EDIL3: variants seen among roughly 807,000 people sequenced by gnomAD.
EDIL3 encodes EGF like and discoidin domains 3, also known as EGF-like repeat and discoidin I-like domain-containing protein 3.
In EDIL3, 37 loss-of-function variants were observed where a neutral mutation model predicts 67.4. The ratio of observed to expected loss-of-function variants is 0.55; its 90% CI spans 0.42 to 0.72. EDIL3 has a LOEUF of 0.72. Ranked by LOEUF, EDIL3 falls within the 30% of genes least tolerant of loss-of-function variation. EDIL3 has a pLI of 0.00. For missense variants in EDIL3, 527 were observed against 586.3 expected, an observed-to-expected ratio of 0.90 and a Z score of 1.04; for synonymous variants, 195 against 196.3, an observed-to-expected ratio of 0.99 and a Z score of 0.05.
chr5:84,059,923 A>T (rs74384047), intron 9 of EDIL3, among the ~76,000 whole-genome samples: 1,744 of 152,308 alleles, frequency 0.011, 45 homozygotes, highest in African/African-American at 0.039. Flanking sequence ...AACAGTTTGC[A>T]GGTCAGTGGC....
At chr5:84,009,202 A>G (rs1580277257) in intron 9 of EDIL3, among the ~76,000 whole-genome samples, 1 of 152,214 alleles carries the variant, frequency 6.6e-6, no homozygotes, top group Non-Finnish European at 1.5e-5. Flanking sequence ...CAAAATAAAA[A>G]AAAATAAAAA....
At chr5:83,979,469 A>T (rs1205681387) in intron 9 of EDIL3, among the ~76,000 whole-genome samples, 1 of 152,146 alleles carries the variant, frequency 6.6e-6, no homozygotes, top group African/African-American at 2.4e-5. Context: ...TATCTGTAGC[A>T]TTACTGTTTT....
chr5:84,120,934 T>C (rs1283160332), intron 5 of EDIL3, among the ~76,000 whole-genome samples: 1 of 151,994 alleles, frequency 6.6e-6, no homozygotes, highest in African/African-American at 2.4e-5. Flanking sequence ...GTCTGTAATT[T>C]CAGCAGAAAG....
At chr5:84,136,469 C>A (rs1748094344) in intron 5 of EDIL3, among the ~76,000 whole-genome samples, 1 of 152,010 alleles carries the variant, frequency 6.6e-6, no homozygotes, top group Non-Finnish European at 1.5e-5. Flanking sequence ...ACTTTTTTCC[C>A]AGCTTTTTTT....
intron 9 of EDIL3, among the ~76,000 whole-genome samples, chr5:83,986,239 T>C (rs1745055757): frequency 6.6e-6 from 1 of 152,128 alleles, no homozygotes; most frequent in Non-Finnish European, 1.5e-5. Context: ...CTTGCAAAAT[T>C]TCTTAAACTC....
chr5:84,035,598 G>C (rs535524915), intron 9 of EDIL3, among the ~76,000 whole-genome samples: 3 of 152,144 alleles, frequency 2.0e-5, no homozygotes, highest in Admixed American at 6.5e-5. Flanking sequence ...GGAGTATGTG[G>C]GTTAATGTAA....
chr5:84,128,972 C>A (rs918119681), intron 5 of EDIL3, among the ~76,000 whole-genome samples: 1 of 152,092 alleles, frequency 6.6e-6, no homozygotes, highest in African/African-American at 2.4e-5. Context: ...AATGAGAATA[C>A]GACTCCATTT....
intron 1 of EDIL3, among the ~76,000 whole-genome samples, chr5:84,360,777 T>C (rs904218921): frequency 1.3e-5 from 2 of 152,180 alleles, no homozygotes; most frequent in African/African-American, 4.8e-5. Flanking sequence ...ATGTGATATA[T>C]CCAAACTGAG....
intron 9 of EDIL3, among the ~76,000 whole-genome samples, chr5:83,977,901 T>A (rs1470381514): frequency 6.6e-6 from 1 of 151,866 alleles, no homozygotes; most frequent in Non-Finnish European, 1.5e-5. Context: ...AGATTTCCTA[T>A]TCACTTTTAC....
intron 9 of EDIL3, among the ~76,000 whole-genome samples, chr5:84,058,747 A>C (rs532468007): frequency 6.6e-6 from 1 of 152,172 alleles, no homozygotes; most frequent in Non-Finnish European, 1.5e-5. Context: ...GCAAGGGGTA[A>C]TATCTTAATG....
chr5:84,117,414 A>G (rs928914099), intron 5 of EDIL3, among the ~76,000 whole-genome samples: 3 of 152,134 alleles, frequency 2.0e-5, no homozygotes, highest in Admixed American at 6.5e-5. Flanking sequence ...ATACATACAT[A>G]CTAAAATCTT....
chr5:84,331,890 T>C (rs1157922344), intron 1 of EDIL3, among the ~76,000 whole-genome samples: 1 of 152,210 alleles, frequency 6.6e-6, no homozygotes, highest in Non-Finnish European at 1.5e-5. Context: ...ATGCATTATA[T>C]GGTCCCAAGG....
intron 9 of EDIL3, among the ~76,000 whole-genome samples, chr5:83,979,685 T>G (rs111800841): frequency 1.3e-5 from 2 of 152,084 alleles, no homozygotes; most frequent in African/African-American, 4.8e-5. Flanking sequence ...TAAGGTAGCA[T>G]AGAAAGGTAC....
At chr5:84,091,693 A>C (rs1747168851) in intron 6 of EDIL3, among the ~76,000 whole-genome samples, 1 of 152,180 alleles carries the variant, frequency 6.6e-6, no homozygotes, top group Non-Finnish European at 1.5e-5. Context: ...GATAAACATG[A>C]AGAGACAACG....
At chr5:84,096,933 C>G (rs961550213) in intron 6 of EDIL3, among the ~76,000 whole-genome samples, 1 of 152,160 alleles carries the variant, frequency 6.6e-6, no homozygotes. Context: ...TTTCCCTGCA[C>G]AAGCTCTCTC....
rs377546688 is a variant in EDIL3, at chr5:84,028,202, T to C, written c.1137+32098A>G. 4.9e-4 allele frequency among the ~76,000 whole-genome samples: 74 copies of C among 152,308 alleles called. 1 individual carries two copies. Among genetic ancestry groups the C allele is most frequent in the African/African-American group, 1.8e-3 (73 of 41,584 alleles). The stretch of plus-strand genomic sequence containing the variant: ...CCTGCCTATTCCTACTTTCCTTGCT[T>C]TACTCAGGGGCTTATTATTTCCCGT... On this transcript the variant is annotated intron_variant, in intron 9 of 10. Transcript: ENST00000296591.
intron 9 of EDIL3, among the ~76,000 whole-genome samples, chr5:84,018,058 C>T (rs1745641335): frequency 6.6e-6 from 1 of 152,174 alleles, no homozygotes; most frequent in Non-Finnish European, 1.5e-5. Context: ...ATTGGCTCTG[C>T]ACTTCCACAT....
intron 3 of EDIL3, among the ~76,000 whole-genome samples, chr5:84,204,477 C>T (rs1041017042): frequency 6.6e-6 from 1 of 152,040 alleles, no homozygotes; most frequent in African/African-American, 2.4e-5. Context: ...TCATTGATAT[C>T]CAACCTGTTC....
rs555926775 is a variant in EDIL3 at position 84,050,510 on chromosome 5, C to T, written c.1137+9790G>A. ...GCACTGAGCGTGAGCTGAAGCAGGG[C>T]GAGGCATCGCCTCACCTGGGAAGTG... On this transcript the variant is annotated intron_variant, in intron 9 of 10. Transcript: ENST00000296591. 2.0e-4 allele frequency among the ~76,000 whole-genome samples: 30 copies of T among 152,284 alleles called. No homozygotes were observed. In the South Asian group the frequency reaches 3.5e-3, roughly 18 times the overall value.
Sources: allele counts gnomAD v4.1 joint callset (sites outside exome capture counted in the v4.1 genomes callset), GRCh38; gene constraint gnomAD v4.1.1; transcripts MANE v1.5; gene names NCBI Gene and HGNC (gene_info 2026-07-23, HGNC 2026-07-21).